Variants in FAF1 observed in about 807,000 individuals in gnomAD.
FAF1 encodes the protein Fas associated factor 1, also known as FAS-associated factor 1.
Under a neutral mutation model 92.5 loss-of-function variants are expected in FAF1, and 25 were observed. The observed-to-expected ratio is 0.27, with a 90% CI of 0.20 to 0.38. FAF1 has a LOEUF of 0.38. Ranked by LOEUF, FAF1 falls within the 10% of genes least tolerant of loss-of-function variation. The pLI, the probability that FAF1 is intolerant of heterozygous loss-of-function variation, is 1.00. For synonymous variants in FAF1, 234 were observed against 273.2 expected (o/e 0.86, Z 1.42); for missense variants, 636 against 793.3 (o/e 0.80, Z 2.38).
At chr1:50,946,697 T>C (rs1327101095) in intron 1 of FAF1, among the ~76,000 whole-genome samples, 1 of 152,246 alleles carries the variant, frequency 6.6e-6, no homozygotes, top group African/African-American at 2.4e-5. Flanking sequence ...CAATGAACTT[T>C]ATGATTCACA....
chr1:50,724,094 T>C (rs549711935), intron 6 of FAF1, among the ~76,000 whole-genome samples: 6 of 152,042 alleles, frequency 3.9e-5, no homozygotes, highest in African/African-American at 1.4e-4. Context: ...CCAAGCATGA[T>C]GGCACATGCC....
chr1:50,771,134 A>G (rs1660761751), intron 4 of FAF1, among the ~76,000 whole-genome samples: 2 of 152,220 alleles, frequency 1.3e-5, no homozygotes, highest in Admixed American at 6.5e-5. Context: ...TGTAAAACCT[A>G]AAACTACAAA....
At chr1:50,514,685 A>G (rs570220637) in intron 15 of FAF1, among the ~76,000 whole-genome samples, 1 of 152,332 alleles carries the variant, frequency 6.6e-6, no homozygotes, top group East Asian at 1.9e-4. Flanking sequence ...GGAGATGTTT[A>G]GAAAAGATTC....
chr1:50,916,379 G>A (rs770508637), intron 1 of FAF1, among the ~76,000 whole-genome samples: 2 of 152,104 alleles, frequency 1.3e-5, no homozygotes, highest in Non-Finnish European at 1.5e-5. Flanking sequence ...CCAATACCTG[G>A]GCTTTTAACC....
chr1:50,855,418 A>G (rs1238842546), intron 2 of FAF1, among the ~76,000 whole-genome samples: 1 of 151,844 alleles, frequency 6.6e-6, no homozygotes, highest in Non-Finnish European at 1.5e-5. Flanking sequence ...GTGCACAAAA[A>G]CACTGGAGAA....
intron 1 of FAF1, among the ~76,000 whole-genome samples, chr1:50,912,020 G>A (rs927448178): frequency 1.1e-4 from 16 of 151,790 alleles, no homozygotes; most frequent in Non-Finnish European, 2.1e-4. Context: ...CTAGGTGGCA[G>A]GGTAAGACAC....
chr1:50,863,722 TGAGTTAGGGAG>T (rs1179159412), intron 1 of FAF1, among the ~76,000 whole-genome samples: 1 of 152,062 alleles, frequency 6.6e-6, no homozygotes, highest in Non-Finnish European at 1.5e-5. Context: ...CCTCATAAAA[TGAGTTAGGGAG>T]GATTCCCTCT....
At position 50,728,827 on chromosome 1, in the gene FAF1, G is replaced by T. The variant is rs1658775821; in HGVS notation, c.551+10036C>A. 2.0e-5 allele frequency among the ~76,000 whole-genome samples: 3 copies of T among 150,306 alleles called. No homozygotes were observed. In the South Asian group the frequency reaches 6.2e-4, roughly 31 times the overall value. ...AAAGAAAAGAAAAAGAAAACTAGTG[G>T]AGAGTTTTGAGCAGGGTAGCTATAA... On this transcript the variant is annotated intron_variant, in intron 6 of 18. Coordinates refer to ENST00000396153, the MANE Select transcript of FAF1 (RefSeq NM_007051.3).
intron 15 of FAF1, among the ~76,000 whole-genome samples, chr1:50,531,048 T>C (rs1648138689): frequency 6.6e-6 from 1 of 152,198 alleles, no homozygotes; most frequent in Admixed American, 6.5e-5. Context: ...ATAAACGTTA[T>C]CTTCCCTACA....
chr1:50,907,242 G>C (rs1479046109), intron 1 of FAF1, among the ~76,000 whole-genome samples: 1 of 152,120 alleles, frequency 6.6e-6, no homozygotes, highest in Non-Finnish European at 1.5e-5. Flanking sequence ...ACTTGATCGT[G>C]GTGTATAAAC....
intron 6 of FAF1, among the ~76,000 whole-genome samples, chr1:50,731,619 TG>T (rs1273139411): frequency 6.6e-6 from 1 of 152,048 alleles, no homozygotes; most frequent in East Asian, 2.0e-4. Context: ...CCGCCCGCCT[TG>T]GCATCCCAAA....
chr1:50,826,249 C>T (rs2124626393), intron 2 of FAF1, among the ~76,000 whole-genome samples: 1 of 152,238 alleles, frequency 6.6e-6, no homozygotes, highest in East Asian at 1.9e-4. Flanking sequence ...AAAAAGAATC[C>T]AGTAAAAACT....
chr1:50,653,773 G>A (rs1241446371), intron 8 of FAF1, among the ~76,000 whole-genome samples: 1 of 152,140 alleles, frequency 6.6e-6, no homozygotes, highest in Non-Finnish European at 1.5e-5. Flanking sequence ...GGCTGAGGCA[G>A]GAGAATCAAT....
At chr1:50,540,009 T>C (rs1251765773) in intron 13 of FAF1, among the ~76,000 whole-genome samples, 3 of 152,070 alleles carry the variant, frequency 2.0e-5, no homozygotes, top group Non-Finnish European at 4.4e-5. Context: ...TCTCTCTCTG[T>C]CACCCAGGCT....
chr1:50,624,796 A>C (rs1340794737), intron 8 of FAF1, among the ~76,000 whole-genome samples: 2 of 152,154 alleles, frequency 1.3e-5, no homozygotes, highest in African/African-American at 4.8e-5. Flanking sequence ...TCCAACTGTC[A>C]TAAGTAGATG....
At chr1:50,451,018 T>G (rs1646287669) in intron 18 of FAF1, among the ~76,000 whole-genome samples, 1 of 152,094 alleles carries the variant, frequency 6.6e-6, no homozygotes. Flanking sequence ...AAGAAAGAAG[T>G]GGCACTGGGG....
At chr1:50,859,554 A>T (rs1044381173) in intron 1 of FAF1, among the ~76,000 whole-genome samples, 1 of 151,976 alleles carries the variant, frequency 6.6e-6, no homozygotes, top group Admixed American at 6.6e-5. Context: ...TTAACCAAGG[A>T]GATGAAAGAT....
At chr1:50,544,020 G>A (rs1303046222) in intron 13 of FAF1, among the ~76,000 whole-genome samples, 2 of 152,122 alleles carry the variant, frequency 1.3e-5, no homozygotes, top group African/African-American at 4.8e-5. Context: ...CCATTCCTGG[G>A]ATTGCTAAAC....
intron 8 of FAF1, among the ~76,000 whole-genome samples, chr1:50,640,240 A>G (rs1432347103): frequency 6.6e-6 from 1 of 151,774 alleles, no homozygotes; most frequent in Non-Finnish European, 1.5e-5. Flanking sequence ...TACCTTAAAT[A>G]TCTGGTAGTG....
Sources: allele counts gnomAD v4.1 joint callset (sites outside exome capture counted in the v4.1 genomes callset), GRCh38; gene constraint gnomAD v4.1.1; transcripts MANE v1.5; gene names NCBI Gene and HGNC (gene_info 2026-07-23, HGNC 2026-07-21).